Variants in SYT1 observed in about 807,000 individuals in gnomAD.
The protein encoded by SYT1 is synaptotagmin 1.
SYT1 carries 8 observed loss-of-function variants against 44.8 expected under a neutral mutation model. That is an observed-to-expected ratio of 0.18 (90% CI 0.10 to 0.32). The LOEUF is 0.32. Among genes scored for constraint, SYT1 ranks in the 10% least tolerant of loss-of-function variants. SYT1 has a pLI of 1.00. For synonymous variants in SYT1, 154 were observed against 188.8 expected (o/e 0.82, Z 1.51); for missense variants, 286 against 509.3 (o/e 0.56, Z 4.22).
intron 1 of SYT1, among the ~76,000 whole-genome samples, chr12:78,949,912 C>A (rs928357143): frequency 6.6e-6 from 1 of 151,954 alleles, no homozygotes; most frequent in African/African-American, 2.4e-5. Flanking sequence ...GCATTTCTAA[C>A]TGAACAGGAA....
intron 7 of SYT1, among the ~76,000 whole-genome samples, chr12:79,297,489 G>A (rs1879930604): frequency 6.6e-6 from 1 of 152,036 alleles, no homozygotes; most frequent in African/African-American, 2.4e-5. Flanking sequence ...TAAATTATAT[G>A]AGCTAATGTA....
At chr12:78,967,902 G>C (rs1006453025) in intron 1 of SYT1, among the ~76,000 whole-genome samples, 1 of 152,054 alleles carries the variant, frequency 6.6e-6, no homozygotes, top group Admixed American at 6.6e-5. Flanking sequence ...CATTGACACG[G>C]AACCAAAATT....
chr12:78,931,139 G>A (rs1203374712), intron 1 of SYT1, among the ~76,000 whole-genome samples: 1 of 146,150 alleles, frequency 6.8e-6, no homozygotes, highest in Non-Finnish European at 1.5e-5. Flanking sequence ...TCCAGTCTGG[G>A]CAGCAAGAGT....
intron 3 of SYT1, among the ~76,000 whole-genome samples, chr12:79,182,972 C>T (rs1397041123): frequency 6.6e-6 from 1 of 152,004 alleles, no homozygotes; most frequent in African/African-American, 2.4e-5. Flanking sequence ...CAAACTGGTC[C>T]TTGTAATAAT....
intron 7 of SYT1, 76 bp downstream of exon 7, chr12:79,296,312 T>C (rs565457398): frequency 7.0e-7 from 1 of 1,432,414 alleles, no homozygotes; most frequent in Admixed American, 2.1e-5. Flanking sequence ...GACACATACA[T>C]AGACATGCAC....
chr12:79,384,374 C>G (rs975772158), intron 9 of SYT1, among the ~76,000 whole-genome samples: 7 of 151,948 alleles, frequency 4.6e-5, no homozygotes, highest in African/African-American at 1.7e-4. Context: ...ATATATAATT[C>G]TGTAATTCTT....
intron 9 of SYT1, among the ~76,000 whole-genome samples, chr12:79,415,384 G>A (rs1868669111): frequency 6.6e-6 from 1 of 152,132 alleles, no homozygotes; most frequent in South Asian, 2.1e-4. Context: ...CTCCACCAGG[G>A]CAATCTGGTT....
At chr12:78,884,261 C>T (rs115123732) in intron 1 of SYT1, among the ~76,000 whole-genome samples, 4,296 of 151,564 alleles carry the variant, frequency 0.028, 196 homozygotes, top group African/African-American at 0.097. Flanking sequence ...TTACTTTATA[C>T]AATCTACAGT....
chr12:78,989,894 A>G (rs896860862), intron 2 of SYT1, among the ~76,000 whole-genome samples: 1 of 151,908 alleles, frequency 6.6e-6, no homozygotes, highest in Non-Finnish European at 1.5e-5. Context: ...CCAAAAATAC[A>G]CCCACTGTGC....
chr12:78,869,932 T>C (rs1873733269), intron 1 of SYT1, among the ~76,000 whole-genome samples: 1 of 152,124 alleles, frequency 6.6e-6, no homozygotes, highest in Non-Finnish European at 1.5e-5. Flanking sequence ...TAGTATGTTT[T>C]ATGTTTAACA....
chr12:78,940,191 A>AT (rs1200844878), intron 1 of SYT1, among the ~76,000 whole-genome samples: 1 of 151,888 alleles, frequency 6.6e-6, no homozygotes, highest in East Asian at 1.9e-4. Flanking sequence ...TTTTTTCTAA[A>AT]TCTGGTTGAA....
rs1565842032 is a variant in SYT1 at position 79,179,386 on chromosome 12, C to CTATATATATCCATATA, written c.-17-38117_-17-38116insTATATATATCCATATA. Among the ~76,000 whole-genome samples the CTATATATATCCATATA allele has an allele frequency of 2.0e-3, 117 of 59,376 alleles. 7 individuals are homozygous for CTATATATATCCATATA. The East Asian group carries it at 0.058, about 29-fold the overall frequency. 39.0% of individuals were successfully genotyped at this position (59,376 alleles called of 152,430 possible). On this transcript the variant is annotated intron_variant, in intron 3 of 10. Coordinates refer to ENST00000261205, the MANE Select transcript of SYT1 (RefSeq NM_005639.3). ...GATATAGATATAGATATAGATATAT[C>CTATATATATCCATATA]GATATAGATATCCATATAGATATAG... is the stretch of plus-strand genomic sequence containing the variant.
At chr12:78,876,817 TC>T (rs1874138853) in intron 1 of SYT1, among the ~76,000 whole-genome samples, 2 of 30,312 alleles carry the variant, frequency 6.6e-5, no homozygotes, top group South Asian at 6.6e-4. Context: ...GTAATACATA[TC>T]ATATATTATA....
chr12:79,370,011 C>T (rs1025191487), intron 9 of SYT1, among the ~76,000 whole-genome samples: 1 of 152,164 alleles, frequency 6.6e-6, no homozygotes, highest in African/African-American at 2.4e-5. Context: ...ATCATTGCCT[C>T]TCTAACTTTC....
chr12:79,039,355 T>C (rs1873357462), intron 2 of SYT1, among the ~76,000 whole-genome samples: 1 of 152,032 alleles, frequency 6.6e-6, no homozygotes, highest in South Asian at 2.1e-4. Context: ...GTATCAAGCC[T>C]TGATAAGAGA....
intron 9 of SYT1, among the ~76,000 whole-genome samples, chr12:79,439,195 TTGATTTAC>T (rs1162151872): frequency 1.3e-5 from 2 of 152,180 alleles, no homozygotes; most frequent in Admixed American, 6.5e-5. Flanking sequence ...TAAATCAGTT[TTGATTTAC>T]ACTATCCTAC....
At chr12:79,189,018 C>T (rs532764196) in intron 3 of SYT1, among the ~76,000 whole-genome samples, 1 of 152,038 alleles carries the variant, frequency 6.6e-6, no homozygotes, top group South Asian at 2.1e-4. Context: ...AGGCTTCTAA[C>T]TTCTATGATG....
intron 4 of SYT1, among the ~76,000 whole-genome samples, chr12:79,250,365 T>A (rs1877126567): frequency 6.6e-6 from 1 of 152,206 alleles, no homozygotes; most frequent in African/African-American, 2.4e-5. Context: ...TATGTAAACA[T>A]ATTCCTCCGT....
intron 3 of SYT1, among the ~76,000 whole-genome samples, chr12:79,152,670 G>A (rs1256492131): frequency 1.3e-5 from 2 of 152,058 alleles, no homozygotes; most frequent in South Asian, 2.1e-4. Flanking sequence ...GGAATTGTAT[G>A]CTGAGAGTGA....
Sources: allele counts gnomAD v4.1 joint callset (sites outside exome capture counted in the v4.1 genomes callset), GRCh38; gene constraint gnomAD v4.1.1; transcripts MANE v1.5; gene names NCBI Gene and HGNC (gene_info 2026-07-23, HGNC 2026-07-21).